CNTRL: variants seen among roughly 807,000 people sequenced by gnomAD.
The protein encoded by CNTRL is centriolin.
CNTRL carries 233 observed loss-of-function variants against 303.7 expected under a neutral mutation model. The ratio of observed to expected loss-of-function variants is 0.77; its 90% confidence interval spans 0.69 to 0.86. The LOEUF is 0.86. CNTRL is among the 40% of genes least tolerant of loss of function. CNTRL has a pLI of 0.00. For missense variants in CNTRL, 2,524 were observed against 2,650.6 expected (o/e 0.95, Z 1.05); for synonymous variants, 900 against 922.2 (o/e 0.98, Z 0.44).
At chr9:121,091,936 C>T (rs1301114762) in intron 4 of CNTRL, among the ~76,000 whole-genome samples, 68 of 141,832 alleles carry the variant, frequency 4.8e-4, no homozygotes, top group South Asian at 1.6e-3. Context: ...TCATCTAGGC[C>T]GATGCCCTCT....
chr9:121,153,085 A>G (rs1554761070), intron 26 of CNTRL, among the ~76,000 whole-genome samples: 1 of 152,114 alleles, frequency 6.6e-6, no homozygotes, highest in Non-Finnish European at 1.5e-5. Flanking sequence ...TTGGTCTCTA[A>G]ATCCTGCTGA....
At chr9:121,139,241 A>G (rs1284442104) in intron 16 of CNTRL, among the ~76,000 whole-genome samples, 1 of 152,202 alleles carries the variant, frequency 6.6e-6, no homozygotes, top group Non-Finnish European at 1.5e-5. Context: ...AAACAGGTGG[A>G]TAGGATTTTT....
At chr9:121,124,757 G>A (rs1162622833) in intron 13 of CNTRL, among the ~76,000 whole-genome samples, 3 of 144,752 alleles carry the variant, frequency 2.1e-5, no homozygotes, top group Non-Finnish European at 4.5e-5. Context: ...GGGCAACATG[G>A]CGAAACCCCG....
At chr9:121,092,194 C>T (rs2048608339) in intron 4 of CNTRL, among the ~76,000 whole-genome samples, 1 of 145,648 alleles carries the variant, frequency 6.9e-6, no homozygotes, top group African/African-American at 2.5e-5. Context: ...TTATAGCAAA[C>T]AAGATCTTCA....
In CNTRL at chr9:121,125,983, A is replaced by G. The variant is rs750220819; in HGVS notation, c.2025+47A>G. 7 of 1,498,810 alleles carry G rather than the reference A, an allele frequency of 4.7e-6. No homozygotes were observed. The East Asian group carries it at 1.6e-4, about 34-fold the overall frequency. The allele number at this position is 1,498,810 out of a possible 1,614,324, so 92.8% of individuals were successfully genotyped here. On this transcript the variant is annotated intron_variant, in intron 14 of 43. Coordinates refer to ENST00000373855, the MANE Select transcript of CNTRL (RefSeq NM_007018.6). ...TTTTCCGTAGCTTCATAAGTAGATA[A>G]TGTCCAAATTAAGTTAGTTGGAGGA...
chr9:121,125,882 G>GC lies in CNTRL; in HGVS notation c.1972dup (p.Gln658ProfsTer32). On this transcript the variant is annotated frameshift_variant, in exon 14 of 44. Coordinates refer to ENST00000373855, the MANE Select transcript of CNTRL (RefSeq NM_007018.6). LOFTEE classifies it high-confidence loss of function. ...TGTTGCAGAGATTGACAGAAGTCGAGCAGGAGAGAGACCAGCTGGAAATAG... is the reference window on the plus strand; with the variant it reads ...TGTTGCAGAGATTGACAGAAGTCGAGCCAGGAGAGAGACCAGCTGGAAATAG... 6.2e-7 allele frequency: 1 copy of GC among 1,614,230 alleles called. No individual in the cohort carries two copies. The highest frequency in any genetic ancestry group is 8.5e-7 in the Non-Finnish European group (1 of 1,180,032).
At chr9:121,134,649 T>C (rs189056177) in intron 14 of CNTRL, among the ~76,000 whole-genome samples, 1 of 149,882 alleles carries the variant, frequency 6.7e-6, no homozygotes, top group African/African-American at 2.5e-5. Context: ...GTCCCAAGAA[T>C]GTGTGTGTGT....
intron 25 of CNTRL, chr9:121,152,216 C>A (rs756656801): frequency 8.8e-5 from 34 of 387,144 alleles, no homozygotes; most frequent in Non-Finnish European, 1.4e-4. Flanking sequence ...TTCTGCTAGA[C>A]CCCGAACTCT....
At chr9:121,121,816 C>T in intron 12 of CNTRL, 1 of 985,444 alleles carries the variant, frequency 1.0e-6, no homozygotes, top group South Asian at 4.7e-5. Context: ...GTTACAGAGG[C>T]TCGGAGGCGC....
At chr9:121,133,679 A>G (rs1035557013) in intron 14 of CNTRL, among the ~76,000 whole-genome samples, 15 of 152,334 alleles carry the variant, frequency 9.8e-5, no homozygotes, top group South Asian at 4.2e-4. Context: ...ATCAGTGCCA[A>G]TGAGATAAAC....
At chr9:121,076,461 G>A (rs1239191594) in intron 1 of CNTRL, among the ~76,000 whole-genome samples, 1 of 152,058 alleles carries the variant, frequency 6.6e-6, no homozygotes, top group African/African-American at 2.4e-5. Flanking sequence ...AATGGATGGA[G>A]GTTTGAGTAT....
intron 2 of CNTRL, among the ~76,000 whole-genome samples, chr9:121,085,544 C>T (rs1050856554): frequency 6.6e-6 from 1 of 152,104 alleles, no homozygotes; most frequent in Non-Finnish European, 1.5e-5. Context: ...CATGGAGCTG[C>T]TGGGAATTCA....
At chr9:121,109,878 T>C (rs1016468) in intron 8 of CNTRL, among the ~76,000 whole-genome samples, 78,064 of 151,992 alleles carry the variant, frequency 0.51, 21,948 homozygotes, top group South Asian at 0.8. Context: ...TTGGCTATTT[T>C]GTATTTCCTC....
intron 26 of CNTRL, among the ~76,000 whole-genome samples, chr9:121,154,372 G>A (rs2052448719): frequency 6.6e-6 from 1 of 152,210 alleles, no homozygotes. Context: ...TGAGGGAATG[G>A]ATGAATATTG....
At chr9:121,109,161 A>C (rs572179862) in intron 8 of CNTRL, among the ~76,000 whole-genome samples, 1 of 152,284 alleles carries the variant, frequency 6.6e-6, no homozygotes, top group Admixed American at 6.5e-5. Context: ...CTTTAAAATC[A>C]TTGCTAGATT....
chr9:121,165,023 A>C lies in CNTRL; in HGVS notation c.5504A>C (p.Gln1835Pro). 1 of 1,611,154 alleles carries C rather than the reference A, an allele frequency of 6.2e-7. No homozygotes were observed. Residue 1835 changes from glutamine (Q) to proline (P), a missense_variant, in exon 35 of 44, where the codon CAG (glutamine) becomes CCG (proline). Coordinates refer to ENST00000373855, the MANE Select transcript of CNTRL (RefSeq NM_007018.6). ...EKLELNVRKL[Q>P]QELDQLNRDK... ...TTGGAATTGAATGTCAGAAAACTGC[A>C]GCAGGAACTAGACCAACTAAACAGA...
At chr9:121,172,186 A>T (rs1477230579) in intron 40 of CNTRL, among the ~76,000 whole-genome samples, 2 of 151,922 alleles carry the variant, frequency 1.3e-5, no homozygotes, top group South Asian at 2.1e-4. Context: ...AAAAATAACC[A>T]AAAAAAAATT....
chr9:121,118,022 C>T (rs2050060954), intron 11 of CNTRL, among the ~76,000 whole-genome samples: 1 of 151,426 alleles, frequency 6.6e-6, no homozygotes, highest in Non-Finnish European at 1.5e-5. Flanking sequence ...CAGTGCATGG[C>T]CCATAGTAAG....
chr9:121,096,625 C>CT (rs2048903380), intron 6 of CNTRL, 62 bp downstream of exon 6: 2 of 1,280,876 alleles, frequency 1.6e-6, no homozygotes, highest in East Asian at 2.7e-5. Context: ...TTAAAAATAT[C>CT]TAAGTTTTTT....
Sources: allele counts gnomAD v4.1 joint callset (sites outside exome capture counted in the v4.1 genomes callset), GRCh38; gene constraint gnomAD v4.1.1; transcripts MANE v1.5; gene names NCBI Gene and HGNC (gene_info 2026-07-23, HGNC 2026-07-21).